The following ACTR3C variants were observed in gnomAD, a reference collection of about 807,000 sequenced individuals.
ACTR3C encodes actin related protein 3C, also known as actin-related protein 3C.
In ACTR3C, 18 loss-of-function variants were observed where a neutral mutation model predicts 26.3. The ratio of observed to expected loss-of-function variants is 0.68; its 90% CI spans 0.47 to 1.01. The LOEUF (loss-of-function observed/expected upper bound fraction) is 1.01. Ranked by LOEUF, ACTR3C falls within the 50% of genes least tolerant of loss-of-function variation. ACTR3C has a pLI of 0.00. For missense variants in ACTR3C, 184 were observed against 250.7 expected (o/e 0.73, Z 1.80); for synonymous variants, 55 against 94.5 (o/e 0.58, Z 2.42).
intron 7 of ACTR3C, chr7:150,248,204 A>G (rs1832579070): frequency 1.3e-5 from 2 of 152,262 alleles, no homozygotes; most frequent in South Asian, 2.1e-4. Flanking sequence ...ATGCAGAGTA[A>G]GCCCACTTCC....
At chr7:150,069,488 C>CA in the ACTR3C span, among the ~76,000 whole-genome samples, 3 of 152,132 alleles carry the variant, frequency 2.0e-5, no homozygotes, top group African/African-American at 7.2e-5. Context: ...ACTCATTAAA[C>CA]ACACATCATC....
the ACTR3C span, among the ~76,000 whole-genome samples, chr7:150,235,884 T>C: frequency 6.6e-6 from 1 of 152,238 alleles, no homozygotes; most frequent in East Asian, 1.9e-4. Flanking sequence ...ATTTCATGTT[T>C]CTGATAGTAA....
chr7:150,194,203 C>T, the ACTR3C span, among the ~76,000 whole-genome samples: 3 of 148,024 alleles, frequency 2.0e-5, no homozygotes, highest in Non-Finnish European at 4.5e-5. Flanking sequence ...TGCAATACCC[C>T]TATTTGCTTC....
chr7:150,225,900 TCAC>T, the ACTR3C span, among the ~76,000 whole-genome samples: 1 of 152,254 alleles, frequency 6.6e-6, no homozygotes. Flanking sequence ...ATTTTTATGA[TCAC>T]TGTTTTTGCC....
At chr7:150,176,908 T>G in the ACTR3C span, among the ~76,000 whole-genome samples, 2 of 150,992 alleles carry the variant, frequency 1.3e-5, no homozygotes, top group African/African-American at 2.5e-5. Flanking sequence ...TAAAAATTAG[T>G]TACTGAAATT....
the ACTR3C span, chr7:150,003,087 A>G: frequency 6.6e-6 from 1 of 152,312 alleles, no homozygotes; most frequent in South Asian, 2.1e-4. Flanking sequence ...AGGTAGGGAG[A>G]TGTAGTGGCT....
At chr7:149,958,797 G>A in the ACTR3C span, among the ~76,000 whole-genome samples, 4 of 152,210 alleles carry the variant, frequency 2.6e-5, no homozygotes, top group Non-Finnish European at 4.4e-5. Flanking sequence ...CAAAGAAGAG[G>A]TATGATTCAG....
At chr7:150,135,790 GAA>G in the ACTR3C span, among the ~76,000 whole-genome samples, 1 of 118,012 alleles carries the variant, frequency 8.5e-6, no homozygotes. Context: ...AGAAAGAAAG[GAA>G]ACGAAACGAA....
chr7:150,165,286 C>T, the ACTR3C span, among the ~76,000 whole-genome samples: 96 of 152,046 alleles, frequency 6.3e-4, 1 homozygote, highest in South Asian at 2.1e-3. Flanking sequence ...AATATTTGCC[C>T]TGACTTCCTA....
intron 1 of ACTR3C, among the ~76,000 whole-genome samples, chr7:150,305,469 A>G (rs1273960612): frequency 6.6e-6 from 1 of 151,924 alleles, no homozygotes; most frequent in Non-Finnish European, 1.5e-5. Context: ...ACACTGTGCA[A>G]AGGCTGCCTG....
chr7:149,904,280 C>CGGT, the ACTR3C span, among the ~76,000 whole-genome samples: 8 of 150,082 alleles, frequency 5.3e-5, no homozygotes, highest in African/African-American at 1.9e-4. Flanking sequence ...TCCTGTAATC[C>CGGT]CAGCACGCTG....
the ACTR3C span, among the ~76,000 whole-genome samples, chr7:149,976,529 G>C: frequency 1.4e-5 from 2 of 146,798 alleles, no homozygotes; most frequent in African/African-American, 5.1e-5. Flanking sequence ...AGCTGAGATC[G>C]CACCACTGCA....
chr7:150,094,637 G>T, the ACTR3C span, among the ~76,000 whole-genome samples: 1 of 150,576 alleles, frequency 6.6e-6, no homozygotes, highest in Admixed American at 6.6e-5. Flanking sequence ...CAGCCCTGCA[G>T]CTGCTCATAT....
At chr7:150,164,012 C>A in the ACTR3C span, among the ~76,000 whole-genome samples, 1 of 152,198 alleles carries the variant, frequency 6.6e-6, no homozygotes, top group Non-Finnish European at 1.5e-5. Flanking sequence ...TTGCGTATGC[C>A]AGGGACAAGT....
the ACTR3C span, among the ~76,000 whole-genome samples, chr7:149,946,955 A>G: frequency 1.0e-4 from 15 of 150,504 alleles, no homozygotes; most frequent in South Asian, 2.1e-4. Flanking sequence ...CCTTCCCCCA[A>G]TGAGCTTGTG....
At chr7:150,263,758 G>T (rs1316158337) in intron 6 of ACTR3C, among the ~76,000 whole-genome samples, 1 of 152,136 alleles carries the variant, frequency 6.6e-6, no homozygotes, top group Non-Finnish European at 1.5e-5. Context: ...TATCTGCAAA[G>T]AAATGATCAT....
At chr7:150,042,576 C>T in the ACTR3C span, among the ~76,000 whole-genome samples, 1,679 of 141,522 alleles carry the variant, frequency 0.012, 39 homozygotes, top group African/African-American at 0.039. Flanking sequence ...CCCCGCCTCG[C>T]GGGGGGTGCC....
chr7:150,214,752 T>C, the ACTR3C span, among the ~76,000 whole-genome samples: 4 of 151,624 alleles, frequency 2.6e-5, no homozygotes, highest in African/African-American at 9.7e-5. Context: ...AGGCACATAG[T>C]ATTGAAATAT....
At chr7:150,300,466 C>T (rs1206197809) in intron 1 of ACTR3C, among the ~76,000 whole-genome samples, 6 of 152,152 alleles carry the variant, frequency 3.9e-5, no homozygotes, top group Admixed American at 2.6e-4. Flanking sequence ...CGGGTAAGGG[C>T]GGCTTCCTCT....
Sources: allele counts gnomAD v4.1 joint callset (sites outside exome capture counted in the v4.1 genomes callset), GRCh38; gene constraint gnomAD v4.1.1; transcripts MANE v1.5; gene names NCBI Gene and HGNC (gene_info 2026-07-23, HGNC 2026-07-21).